PFN2: variants seen among roughly 807,000 people sequenced by gnomAD.
PFN2 encodes profilin 2.
In PFN2, 8 loss-of-function variants were observed where a neutral mutation model predicts 15.3. The observed-to-expected ratio is 0.52, with a 90% CI of 0.31 to 0.95. The LOEUF is 0.95. Among genes scored for constraint, PFN2 ranks in the 40% least tolerant of loss-of-function variants. The pLI, the probability that PFN2 is intolerant of heterozygous loss-of-function variation, is 0.05. For synonymous variants in PFN2, 79 were observed against 67.9 expected, an observed-to-expected ratio of 1.16 and a Z score of -0.81; for missense variants, 111 against 182.3, an observed-to-expected ratio of 0.61 and a Z score of 2.25.
At position 149,965,423 on chromosome 3, in the gene PFN2, T is replaced by A. The variant is rs767328540; in HGVS notation, c.*1066A>T. 17 of 1,445,228 alleles carry A rather than the reference T, an allele frequency of 1.2e-5. No homozygotes were observed. Among genetic ancestry groups the A allele is most frequent in the Non-Finnish European group, 1.4e-5 (16 of 1,107,274 alleles). 89.5% of individuals were successfully genotyped at this position (1,445,228 alleles called of 1,614,324 possible). ...GTGTGCAAAGAAAAAGGAAGAAAAA[T>A]CTGAGCTATTGCAATGATGGAATGT... is the stretch of plus-strand genomic sequence containing the variant. On this transcript the variant is annotated 3_prime_UTR_variant, in exon 3 of 3. Coordinates refer to ENST00000239940, the MANE Select transcript of PFN2 (RefSeq NM_053024.4).
Position 149,968,395 on chromosome 3 carries a change from C to T in PFN2, c.288G>A (p.Glu96=). ...TGCCGACAGCCACATTGTATGTTGG[C>T]TCCCCACCTTGACTCTTTGTCCGGA... ...MDIRTKSQGG[E]PTYNVAVGRA... Residue 96 remains glutamate (E), a synonymous_variant, in exon 2 of 3, where the codon GAG becomes GAA. Coordinates refer to ENST00000239940, the MANE Select transcript of PFN2 (RefSeq NM_053024.4). 6.2e-7 allele frequency: 1 copy of T among 1,614,168 alleles called. No individual in the cohort carries two copies. Among genetic ancestry groups the T allele is most frequent in the Non-Finnish European group, 8.5e-7 (1 of 1,180,008 alleles).
intron 1 of PFN2, among the ~76,000 whole-genome samples, chr3:149,969,554 C>T (rs1037467580): frequency 1.2e-4 from 18 of 152,176 alleles, no homozygotes; most frequent in African/African-American, 4.1e-4. Context: ...TAAAGTACTA[C>T]TATCAAGGAC....
chr3:149,970,767 G>A lies in PFN2; in HGVS notation c.90C>T (p.Tyr30=), dbSNP rs1437385662. The change falls in exon 1 of 3, where the codon TAC becomes TAT. Residue 30 remains tyrosine (Y), a synonymous_variant. Transcript: ENST00000239940. ...CGCCCCCGGCCGTGGCTGCCCAGAC[G>A]TATTTGGCGTCGCAGTAGCCGACAA... ...AAIVGYCDAK[Y]VWAATAGGVF... The A allele has an allele frequency of 1.3e-6, 2 of 1,519,066 alleles. No individual in the cohort carries two copies. Among genetic ancestry groups the A allele is most frequent in the Admixed American group, 2.1e-5 (1 of 48,294 alleles). The allele number at this position is 1,519,066 out of a possible 1,614,324, so 94.1% of individuals were successfully genotyped here.
At position 149,970,752 on chromosome 3, in the gene PFN2, C is replaced by A. The variant is rs188851441; in HGVS notation, c.105G>T (p.Thr35=). The A allele has an allele frequency of 4.6e-4, 702 of 1,519,990 alleles. 6 individuals carry two copies. In the South Asian group the frequency reaches 5.3e-3, roughly 12 times the overall value. 94.2% of individuals were successfully genotyped at this position (1,519,990 alleles called of 1,614,324 possible). Residue 35 remains threonine (T), a synonymous_variant, in exon 1 of 3, where the codon ACG becomes ACT. Coordinates refer to ENST00000239940, the MANE Select transcript of PFN2 (RefSeq NM_053024.4). ...YCDAKYVWAA[T]AGGVFQSITP... is the part of the protein sequence containing the mutation. ...TAATGCTCTGAAAGACGCCCCCGGCCGTGGCTGCCCAGACGTATTTGGCGT... is the reference window on the plus strand; with the variant it reads ...TAATGCTCTGAAAGACGCCCCCGGCAGTGGCTGCCCAGACGTATTTGGCGT...
rs1267964650 is a variant in PFN2 at position 149,966,171 on chromosome 3, A to G, written c.*318T>C. The G allele has an allele frequency of 1.2e-6, 2 of 1,612,940 alleles. No individual in the cohort carries two copies. Among genetic ancestry groups the G allele is most frequent in the Non-Finnish European group, 1.7e-6 (2 of 1,179,420 alleles). On this transcript the variant is annotated 3_prime_UTR_variant, in exon 3 of 3. Coordinates refer to ENST00000239940, the MANE Select transcript of PFN2 (RefSeq NM_053024.4). ...AGGTAGATGGGGAGAGGCTGCTTAC[A>G]CATCAGACCTCCTCAGGTATAAAGC...
At chr3:149,970,545 G>A (rs1576620960) in intron 1 of PFN2, 180 bp downstream of exon 1, 1 of 478,348 alleles carries the variant, frequency 2.1e-6, no homozygotes. Context: ...AGCCCCGGGT[G>A]AGGGGGCGTC....
At position 149,966,245 on chromosome 3, in the gene PFN2, TC is replaced by T; in HGVS notation, c.*243del. On this transcript the variant is annotated 3_prime_UTR_variant, in exon 3 of 3. Transcript: ENST00000239940. ...GTGTGCCTCCGTGGACACCTTCCTT[TC>T]CCATGACTATAACCAATGCTGGAGT... is the stretch of plus-strand genomic sequence containing the variant. 6.2e-7 allele frequency: 1 copy of T among 1,613,612 alleles called. No individual in the cohort carries two copies. The highest frequency in any genetic ancestry group is 2.2e-5 in the East Asian group (1 of 44,874).
rs1042477485 is a variant in PFN2 at position 149,965,196 on chromosome 3, A to T, written c.*1293T>A. 27 of 1,511,604 alleles carry T rather than the reference A, an allele frequency of 1.8e-5. No homozygotes were observed. The highest frequency in any genetic ancestry group is 2.3e-5 in the Non-Finnish European group (26 of 1,134,650). The allele number at this position is 1,511,604 out of a possible 1,614,324, so 93.6% of individuals were successfully genotyped here. A position where few individuals can be genotyped will look rare whatever the true frequency, so the allele number is the denominator to read the frequency against. On this transcript the variant is annotated 3_prime_UTR_variant, in exon 3 of 3. Coordinates refer to ENST00000239940, the MANE Select transcript of PFN2 (RefSeq NM_053024.4). ...CACAATAGCAACAGTTCATTTTAAC[A>T]ATAGTATGGCACAGAATACATATGA...
At chr3:149,968,319 T>C (rs888884061) in intron 2 of PFN2, 39 bp downstream of exon 2, 4 of 1,532,854 alleles carry the variant, frequency 2.6e-6, no homozygotes, top group Non-Finnish European at 3.6e-6. Flanking sequence ...TAAGTTGTAA[T>C]GTGGCATGCA....
intron 1 of PFN2, among the ~76,000 whole-genome samples, chr3:149,969,361 G>A (rs976905496): frequency 6.6e-6 from 1 of 152,168 alleles, no homozygotes; most frequent in Admixed American, 6.5e-5. Flanking sequence ...GAAGGAAGGC[G>A]TCGCCCCCAT....
At chr3:149,967,204 T>G (rs1013060580) in intron 2 of PFN2, among the ~76,000 whole-genome samples, 4 of 152,242 alleles carry the variant, frequency 2.6e-5, no homozygotes, top group African/African-American at 9.6e-5. Context: ...CGATTTCTAA[T>G]TGCTCTTCTA....
At position 149,965,464 on chromosome 3, in the gene PFN2, C is replaced by A. The variant is rs190941088; in HGVS notation, c.*1025G>T. 7.6e-5 allele frequency: 109 copies of A among 1,436,698 alleles called. 1 individual carries two copies. The East Asian group carries it at 2.3e-3, about 31-fold the overall frequency. 89.0% of individuals were successfully genotyped at this position (1,436,698 alleles called of 1,614,324 possible). ...GATGGAATGTCCCTGGGGATTCAAT[C>A]AGTATGGTTACTGTAAGGTCATGGG... On this transcript the variant is annotated 3_prime_UTR_variant, in exon 3 of 3. Transcript: ENST00000239940.
Position 149,965,931 on chromosome 3 carries a change from C to A in PFN2, c.*558G>T. On this transcript the variant is annotated 3_prime_UTR_variant, in exon 3 of 3. Transcript: ENST00000239940. The stretch of plus-strand genomic sequence containing the variant: ...CAAAGTGATGCCCAACTTGGCATGC[C>A]CCCTCCCCCCAATTTCAAGGTATCA... 7.6e-7 allele frequency: 1 copy of A among 1,315,800 alleles called. No individual in the cohort carries two copies. Among genetic ancestry groups the A allele is most frequent in the South Asian group, 2.2e-5 (1 of 46,210 alleles). The allele number at this position is 1,315,800 out of a possible 1,614,324, so 81.5% of individuals were successfully genotyped here. A position where few individuals can be genotyped will look rare whatever the true frequency, so the allele number is the denominator to read the frequency against.
chr3:149,965,733 G>A lies in PFN2; in HGVS notation c.*756C>T. ...GAGGGGGGGCGGGAAAAAGAGAAGA[G>A]TGAAGGAATGATGCATGCACTTTTT... On this transcript the variant is annotated 3_prime_UTR_variant, in exon 3 of 3. Transcript: ENST00000239940. 1 of 1,036,158 alleles carries A rather than the reference G, an allele frequency of 9.7e-7. No homozygotes were observed. Among genetic ancestry groups the A allele is most frequent in the Non-Finnish European group, 1.2e-6 (1 of 862,496 alleles). 64.2% of individuals were successfully genotyped at this position (1,036,158 alleles called of 1,614,324 possible). A position where few individuals can be genotyped will look rare whatever the true frequency, so the allele number is the denominator to read the frequency against.
intron 2 of PFN2, among the ~76,000 whole-genome samples, chr3:149,966,815 G>C (rs1304256804): frequency 6.6e-6 from 1 of 151,140 alleles, no homozygotes; most frequent in African/African-American, 2.4e-5. Context: ...GCAAGCAAAA[G>C]TTCTATACAA....
intron 1 of PFN2, 122 bp downstream of exon 1, chr3:149,970,603 C>A (rs1722836189): frequency 2.9e-6 from 3 of 1,030,346 alleles, no homozygotes; most frequent in Non-Finnish European, 2.5e-6. Flanking sequence ...TCCTCGGCGC[C>A]CGCTGCCTAG....
intron 2 of PFN2, chr3:149,968,083 T>G (rs370916737): frequency 3.0e-6 from 1 of 335,210 alleles, no homozygotes. Context: ...TGATTTGACA[T>G]GTCAAGCAGT....
intron 1 of PFN2, 65 bp from the exon 2 acceptor site, chr3:149,968,615 G>C (rs1722757165): frequency 1.4e-6 from 2 of 1,386,916 alleles, no homozygotes; most frequent in African/African-American, 2.9e-5. Context: ...ACTCCTTTTA[G>C]GGCTTGATGT....
chr3:149,966,065 A>C lies in PFN2; in HGVS notation c.*424T>G. 4 of 1,526,418 alleles carry C rather than the reference A, an allele frequency of 2.6e-6. No individual in the cohort carries two copies. The highest frequency in any genetic ancestry group is 1.8e-4 in the Middle Eastern group (1 of 5,616). 94.6% of individuals were successfully genotyped at this position (1,526,418 alleles called of 1,614,324 possible). A position where few individuals can be genotyped will look rare whatever the true frequency, so the allele number is the denominator to read the frequency against. Reference sequence around the variant, plus strand: ...CAAACAGGAATCATGACATTAGAAAATAGGTAAAGAAAAATTAGCTACCAT... The same window carrying C: ...CAAACAGGAATCATGACATTAGAAACTAGGTAAAGAAAAATTAGCTACCAT... On this transcript the variant is annotated 3_prime_UTR_variant, in exon 3 of 3. Transcript: ENST00000239940.
Sources: gnomAD v4.1 joint callset for allele counts (sites outside exome capture counted in the v4.1 genomes callset) on GRCh38, gnomAD v4.1.1 for gene constraint, MANE v1.5 for transcripts, NCBI Gene and HGNC (gene_info 2026-07-23, HGNC 2026-07-21) for gene names.